Variants in EGF observed in about 807,000 individuals in gnomAD.
EGF encodes epidermal growth factor.
Under a neutral mutation model 143.8 loss-of-function variants are expected in EGF, and 95 were observed. The observed-to-expected ratio is 0.66, with a 90% CI of 0.56 to 0.78. EGF has a LOEUF of 0.78. Among genes scored for constraint, EGF ranks in the 30% least tolerant of loss-of-function variants. EGF has a pLI of 0.00. For synonymous variants in EGF, 510 were observed against 510.5 expected (o/e 1.00, Z 0.01); for missense variants, 1,320 against 1,470.9 (o/e 0.90, Z 1.68).
At chr4:109,989,442 C>A (rs1016553406) in intron 18 of EGF, among the ~76,000 whole-genome samples, 4 of 152,100 alleles carry the variant, frequency 2.6e-5, no homozygotes, top group Admixed American at 1.3e-4. Flanking sequence ...TCAGTATTTT[C>A]TTTCCCTCCT....
Position 109,981,757 on chromosome 4 carries a change from A to C in EGF, c.2371+782A>C, listed in dbSNP as rs940938966. 5.9e-5 allele frequency among the ~76,000 whole-genome samples: 9 copies of C among 152,286 alleles called. No homozygotes were observed. In the East Asian group the frequency reaches 9.6e-4, roughly 16 times the overall value. ...GGCTAGTTTCAGCTCACAATTCAAA[A>C]TTTACTTATGTTTTTCCTCTAGCTA... On this transcript the variant is annotated intron_variant, in intron 15 of 23. Transcript: ENST00000265171.
In EGF at chr4:109,980,006, T is replaced by C. The variant is rs375886742; in HGVS notation, c.2088T>C (p.Tyr696=). Residue 696 remains tyrosine (Y), a synonymous_variant, in exon 14 of 24, where the codon TAT becomes TAC. Coordinates refer to ENST00000265171, the MANE Select transcript of EGF (RefSeq NM_001963.6). ...TTGCTGTAGCAGTGTTTGAGGATTA[T>C]GTGTGGTTCTCAGATTGGGCTATGC... ...HPFAVAVFED[Y]VWFSDWAMPS... 44 of 1,613,974 alleles carry C rather than the reference T, an allele frequency of 2.7e-5. No individual in the cohort carries two copies. Among genetic ancestry groups the C allele is most frequent in the African/African-American group, 1.3e-5 (1 of 74,922 alleles).
chr4:110,004,453 CTGAG>C lies in EGF; in HGVS notation c.3174-50_3174-47del, dbSNP rs761974531. On this transcript the variant is annotated intron_variant, in intron 21 of 23. Transcript: ENST00000265171. ...TTGTCCCTGATCATCACTGAGTGGG[CTGAG>C]TATTTTGTTTTGTTGTGAGATTGTC... 5.7e-4 allele frequency: 853 copies of C among 1,493,774 alleles called. 1 individual carries two copies. Among genetic ancestry groups the C allele is most frequent in the Non-Finnish European group, 7.3e-4 (784 of 1,071,848 alleles). 92.5% of individuals were successfully genotyped at this position (1,493,774 alleles called of 1,614,324 possible).
At chr4:109,917,505 T>A (rs999773130) in intron 1 of EGF, among the ~76,000 whole-genome samples, 7 of 152,192 alleles carry the variant, frequency 4.6e-5, no homozygotes, top group Admixed American at 6.5e-5. Flanking sequence ...TCTTTTTTTT[T>A]TAATTTCAAT....
intron 21 of EGF, chr4:110,002,081 A>T (rs778944973): frequency 4.0e-5 from 39 of 968,780 alleles, no homozygotes; most frequent in Non-Finnish European, 4.4e-5. Flanking sequence ...TTTAAGTTAG[A>T]CATGCTAACT....
rs1748481652 is a variant in EGF, at chr4:109,976,219, T to C, written c.2037T>C (p.Leu679=). The change falls in exon 13 of 24, where the codon CTT becomes CTC. Residue 679 remains leucine (L), a synonymous_variant. Transcript: ENST00000265171. ...TGGATGGTTCAAAACGCCGAAGACT[T>C]ACCCAGAATGATGTAGGTGAGGCTT... The part of the protein sequence containing the change: ...ANLDGSKRRR[L]TQNDVGHPFA... 6.2e-7 allele frequency: 1 copy of C among 1,613,998 alleles called. No individual in the cohort carries two copies. The highest frequency in any genetic ancestry group is 2.2e-5 in the East Asian group (1 of 44,878).
At chr4:109,971,107 G>A (rs543703067) in intron 11 of EGF, among the ~76,000 whole-genome samples, 2 of 152,172 alleles carry the variant, frequency 1.3e-5, no homozygotes, top group South Asian at 4.2e-4. Context: ...TAATTGGAGA[G>A]GTAAAATAAC....
chr4:109,974,067 G>A lies in EGF; in HGVS notation c.1725-636G>A, dbSNP rs554068412. ...AATAACTTATAACTGTATTTACATA[G>A]CATTTACATTACATGAGGTATAAGT... On this transcript the variant is annotated intron_variant, in intron 11 of 23. Transcript: ENST00000265171. 1.8e-4 allele frequency among the ~76,000 whole-genome samples: 27 copies of A among 152,154 alleles called. No homozygotes were observed. The South Asian group carries it at 4.4e-3, about 25-fold the overall frequency.
In EGF at chr4:110,004,092, T is replaced by C. The variant is rs11569108; in HGVS notation, c.3174-413T>C. Among the ~76,000 whole-genome samples the C allele has an allele frequency of 5.3e-3, 814 of 152,150 alleles. 11 individuals are homozygous for C. The highest frequency in any genetic ancestry group is 0.019 in the African/African-American group (771 of 41,494). On this transcript the variant is annotated intron_variant, in intron 21 of 23. Coordinates refer to ENST00000265171, the MANE Select transcript of EGF (RefSeq NM_001963.6). ...ACTGCCCCACTCCTCCCTGCAAAAT[T>C]AGTTGTTTTTTCATTGCTATATCAT...
intron 1 of EGF, among the ~76,000 whole-genome samples, chr4:109,930,789 CT>C (rs1739549656): frequency 6.6e-6 from 1 of 152,206 alleles, no homozygotes; most frequent in Non-Finnish European, 1.5e-5. Flanking sequence ...GCAAAGCTTG[CT>C]TTTCATCACT....
chr4:109,926,322 C>T (rs566308110), intron 1 of EGF, among the ~76,000 whole-genome samples: 2 of 151,300 alleles, frequency 1.3e-5, no homozygotes, highest in Non-Finnish European at 2.9e-5. Context: ...TACTGCACTC[C>T]AGCCTGGGCA....
chr4:109,936,294 A>G (rs1167817293), intron 1 of EGF, among the ~76,000 whole-genome samples: 2 of 152,154 alleles, frequency 1.3e-5, no homozygotes. Context: ...TGTGTCCAGG[A>G]ATTTATCCCT....
At chr4:109,973,523 C>G (rs1228835259) in intron 11 of EGF, among the ~76,000 whole-genome samples, 1 of 152,110 alleles carries the variant, frequency 6.6e-6, no homozygotes, top group African/African-American at 2.4e-5. Context: ...CAATTACATT[C>G]TTTACATCCT....
intron 10 of EGF, 82 bp downstream of exon 10, chr4:109,964,619 A>G (rs1047653928): frequency 2.2e-5 from 35 of 1,585,992 alleles, no homozygotes; most frequent in Non-Finnish European, 2.8e-5. Flanking sequence ...GACCTGGCCT[A>G]CTTGAAAATC....
At chr4:109,918,122 C>T (rs1737022415) in intron 1 of EGF, among the ~76,000 whole-genome samples, 1 of 152,154 alleles carries the variant, frequency 6.6e-6, no homozygotes, top group South Asian at 2.1e-4. Flanking sequence ...CAATAGCAAA[C>T]CATCTTACAT....
At chr4:109,924,642 T>A (rs1738336197) in intron 1 of EGF, among the ~76,000 whole-genome samples, 1 of 152,160 alleles carries the variant, frequency 6.6e-6, no homozygotes. Flanking sequence ...AACTAACCCT[T>A]ACAAAATTCA....
intron 1 of EGF, among the ~76,000 whole-genome samples, chr4:109,918,715 T>C (rs1737154137): frequency 6.6e-6 from 1 of 152,118 alleles, no homozygotes; most frequent in Admixed American, 6.5e-5. Context: ...AGGAAACAAT[T>C]GTTATGAGCT....
intron 20 of EGF, among the ~76,000 whole-genome samples, chr4:109,995,216 C>CT (rs888410376): frequency 9.9e-5 from 15 of 151,710 alleles, no homozygotes; most frequent in South Asian, 4.2e-4. Flanking sequence ...TTCCTTAAAA[C>CT]TTTTTTTTTC....
intron 18 of EGF, among the ~76,000 whole-genome samples, chr4:109,992,785 A>T (rs1751166617): frequency 6.6e-6 from 1 of 152,098 alleles, no homozygotes; most frequent in Admixed American, 6.5e-5. Context: ...TGATGAGTTC[A>T]TGTCCTTTGT....
Sources: gnomAD v4.1 joint callset for allele counts (sites outside exome capture counted in the v4.1 genomes callset) on GRCh38, gnomAD v4.1.1 for gene constraint, MANE v1.5 for transcripts, NCBI Gene and HGNC (gene_info 2026-07-23, HGNC 2026-07-21) for gene names.